Variants in NEK7 observed in about 807,000 individuals in gnomAD.
The protein encoded by NEK7 is NIMA related kinase 7.
A neutral mutation model predicts 44.6 loss-of-function variants in NEK7; 18 were observed. The ratio of observed to expected loss-of-function variants is 0.40; its 90% CI spans 0.28 to 0.60. The LOEUF is 0.60. NEK7 is among the 20% of genes least tolerant of loss of function. The pLI is 0.38. For synonymous variants in NEK7, 130 were observed against 121.1 expected (o/e 1.07, Z -0.48); for missense variants, 256 against 366.5 (o/e 0.70, Z 2.46).
intron 1 of NEK7, among the ~76,000 whole-genome samples, chr1:198,222,507 C>CCCCT: frequency 6.6e-6 from 1 of 152,118 alleles, no homozygotes. Context: ...CCCTCTATTA[C>CCCCT]CTACTTTTGA....
At chr1:198,200,717 A>G (rs1054439498) in intron 1 of NEK7, among the ~76,000 whole-genome samples, 3 of 151,766 alleles carry the variant, frequency 2.0e-5, no homozygotes, top group Non-Finnish European at 2.9e-5. Context: ...AACCTGGCTA[A>G]TTTTTGTATT....
chr1:198,206,767 ATGTT>A (rs1177728703), intron 1 of NEK7: 1 of 152,062 alleles, frequency 6.6e-6, no homozygotes, highest in African/African-American at 2.4e-5. Context: ...CCAAAAGCTT[ATGTT>A]TAACAGTTTT....
chr1:198,286,983 C>T (rs1326097074), intron 7 of NEK7, among the ~76,000 whole-genome samples: 5 of 152,130 alleles, frequency 3.3e-5, no homozygotes, highest in African/African-American at 2.4e-5. Context: ...TTATGAAGTC[C>T]TCAACCTTTA....
At chr1:198,168,588 T>C (rs1179945289) in intron 1 of NEK7, among the ~76,000 whole-genome samples, 1 of 152,242 alleles carries the variant, frequency 6.6e-6, no homozygotes, top group African/African-American at 2.4e-5. Flanking sequence ...TTGGGAGGCA[T>C]ACTTGCCTGA....
chr1:198,311,731 G>T (rs2103036383), intron 9 of NEK7, among the ~76,000 whole-genome samples: 1 of 152,264 alleles, frequency 6.6e-6, no homozygotes, highest in East Asian at 1.9e-4. Flanking sequence ...TTTATATGCT[G>T]GATTACATTG....
intron 9 of NEK7, among the ~76,000 whole-genome samples, chr1:198,305,175 A>G (rs1221642618): frequency 6.6e-6 from 1 of 152,174 alleles, no homozygotes; most frequent in Non-Finnish European, 1.5e-5. Context: ...TCTAAAATTT[A>G]AAGCAATAAA....
intron 1 of NEK7, among the ~76,000 whole-genome samples, chr1:198,183,386 C>T (rs1664822731): frequency 6.6e-6 from 1 of 151,796 alleles, no homozygotes. Context: ...TAATTCCAGG[C>T]TAAGGAATTT....
intron 3 of NEK7, among the ~76,000 whole-genome samples, chr1:198,253,391 C>G (rs1022012582): frequency 6.6e-6 from 1 of 151,950 alleles, no homozygotes; most frequent in Admixed American, 6.6e-5. Flanking sequence ...AAATTTAGCT[C>G]GTATTGAACC....
rs1463559592 is a variant in NEK7, at chr1:198,319,792, A to C, written c.*270A>C. The C allele has an allele frequency of 3.6e-6, 1 of 277,436 alleles. No homozygotes were observed. Among genetic ancestry groups the C allele is most frequent in the South Asian group, 8.8e-5 (1 of 11,338 alleles). 17.2% of individuals were successfully genotyped at this position (277,436 alleles called of 1,614,324 possible). A position where few individuals can be genotyped will look rare whatever the true frequency, so the allele number is the denominator to read the frequency against. ...TGGCTAAAGGTTTATAGAATTTCTT[A>C]CAGTTTTCTGCTGATAAATTGTGTT... is the stretch of plus-strand genomic sequence containing the variant. On this transcript the variant is annotated 3_prime_UTR_variant, in exon 10 of 10. Transcript: ENST00000367385.
intron 1 of NEK7, among the ~76,000 whole-genome samples, chr1:198,175,331 T>C (rs182125431): frequency 1.9e-4 from 29 of 152,344 alleles, no homozygotes; most frequent in Admixed American, 5.9e-4. Flanking sequence ...GATTTTTCTG[T>C]TATTGAGTAC....
At chr1:198,245,370 G>C (rs1666808475) in intron 2 of NEK7, 1 of 169,272 alleles carries the variant, frequency 5.9e-6, no homozygotes, top group East Asian at 1.9e-4. Flanking sequence ...GCGTTTGTAT[G>C]CCTCTTTATA....
At chr1:198,279,153 C>G (rs1654112172) in intron 7 of NEK7, 92 bp downstream of exon 7, 1 of 733,254 alleles carries the variant, frequency 1.4e-6, no homozygotes, top group African/African-American at 1.8e-5. Flanking sequence ...CTCTTACATT[C>G]TTAATAAAAC....
intron 1 of NEK7, among the ~76,000 whole-genome samples, chr1:198,209,037 G>GTATATATATATATATA (rs57962708): frequency 6.9e-6 from 1 of 145,356 alleles, no homozygotes; most frequent in Non-Finnish European, 1.5e-5. Flanking sequence ...ATGTGTGTGT[G>GTATATATATATATATA]TATATATATA....
intron 9 of NEK7, among the ~76,000 whole-genome samples, chr1:198,313,508 T>C (rs1444167726): frequency 7.4e-6 from 1 of 135,994 alleles, no homozygotes; most frequent in Non-Finnish European, 1.5e-5. Context: ...ATTTTGCTCG[T>C]TAGTTGATGC....
At chr1:198,250,865 C>T (rs1256239338) in intron 2 of NEK7, among the ~76,000 whole-genome samples, 4 of 151,292 alleles carry the variant, frequency 2.6e-5, no homozygotes, top group African/African-American at 9.7e-5. Context: ...AATTGAATAC[C>T]CTTTATTTCC....
chr1:198,314,687 C>G (rs112883915), intron 9 of NEK7, among the ~76,000 whole-genome samples: 79 of 152,246 alleles, frequency 5.2e-4, no homozygotes, highest in African/African-American at 1.7e-3. Context: ...TTTGAGTACC[C>G]GGCCGTGTGA....
chr1:198,295,921 T>C (rs1367903726), intron 8 of NEK7, among the ~76,000 whole-genome samples: 4 of 152,042 alleles, frequency 2.6e-5, no homozygotes, highest in African/African-American at 9.7e-5. Flanking sequence ...TTTCTCGTCA[T>C]GTGAAACAAC....
chr1:198,244,030 A>G (rs1666763157), intron 2 of NEK7, among the ~76,000 whole-genome samples: 1 of 149,436 alleles, frequency 6.7e-6, no homozygotes, highest in African/African-American at 2.5e-5. Context: ...AAGATAAAAG[A>G]TAATAGCATG....
intron 1 of NEK7, among the ~76,000 whole-genome samples, chr1:198,168,994 A>G (rs1343201721): frequency 6.6e-6 from 1 of 152,196 alleles, no homozygotes; most frequent in Non-Finnish European, 1.5e-5. Flanking sequence ...CTCATTTGAA[A>G]AGATTATTCT....
Sources: allele counts gnomAD v4.1 joint callset (sites outside exome capture counted in the v4.1 genomes callset), GRCh38; gene constraint gnomAD v4.1.1; transcripts MANE v1.5; gene names NCBI Gene and HGNC (gene_info 2026-07-23, HGNC 2026-07-21).